The following CENPA variants were observed in gnomAD, a reference collection of about 807,000 sequenced individuals.
CENPA encodes centromere protein A.
Under a neutral mutation model 17.2 loss-of-function variants are expected in CENPA, and 7 were observed. The ratio of observed to expected loss-of-function variants is 0.41; its 90% confidence interval spans 0.23 to 0.76. The LOEUF is 0.76. CENPA is among the 30% of genes least tolerant of loss of function. CENPA has a pLI of 0.34. For missense variants in CENPA, 149 were observed against 193.1 expected (o/e 0.77, Z 1.35); for synonymous variants, 82 against 77.4 (o/e 1.06, Z -0.31).
At position 26,793,796 on chromosome 2, in the gene CENPA, G is replaced by A. The variant is rs548729691; in HGVS notation, c.*48-16G>A. 6.5e-6 allele frequency: 1 copy of A among 153,110 alleles called. No homozygotes were observed. Among genetic ancestry groups the A allele is most frequent in the East Asian group, 1.9e-4 (1 of 5,190 alleles). The allele number at this position is 153,110 out of a possible 1,614,324, so 9.5% of individuals were successfully genotyped here. A position where few individuals can be genotyped will look rare whatever the true frequency, so the allele number is the denominator to read the frequency against. On this transcript the variant is annotated splice_polypyrimidine_tract_variant and intron_variant, in intron 4 of 4. Coordinates refer to ENST00000335756, the MANE Select transcript of CENPA (RefSeq NM_001809.4). ...TTGAAAATGGCTTGTTAGTAAGTGT[G>A]CTTCCTTAATTTCAGGGATGATACC...
At chr2:26,789,272 T>C (rs902463376) in intron 1 of CENPA, among the ~76,000 whole-genome samples, 4 of 152,066 alleles carry the variant, frequency 2.6e-5, no homozygotes, top group African/African-American at 9.7e-5. Context: ...TCTTACTGTG[T>C]CTCAGAAGCA....
intron 2 of CENPA, 28 bp downstream of exon 2, chr2:26,792,268 C>T: frequency 6.5e-7 from 1 of 1,546,148 alleles, no homozygotes; most frequent in Non-Finnish European, 8.8e-7. Flanking sequence ...CCCACCAACC[C>T]CTATGCCACC....
At chr2:26,787,782 C>T (rs973379797) in intron 1 of CENPA, among the ~76,000 whole-genome samples, 2 of 152,010 alleles carry the variant, frequency 1.3e-5, no homozygotes, top group African/African-American at 2.4e-5. Context: ...TTTTTCTTTC[C>T]CAAAACACGA....
intron 3 of CENPA, 41 bp from the exon 4 acceptor site, chr2:26,793,104 G>A (rs1053130868): frequency 1.3e-5 from 21 of 1,610,774 alleles, no homozygotes; most frequent in Non-Finnish European, 1.8e-5. Context: ...GCAGCCCGTG[G>A]CCCTTCATCT....
intron 2 of CENPA, 182 bp from the exon 3 acceptor site, chr2:26,792,574 A>C (rs979908793): frequency 2.8e-6 from 2 of 721,200 alleles, no homozygotes; most frequent in Non-Finnish European, 5.1e-6. Flanking sequence ...CCAGTAAGAG[A>C]TCCGCCAGTT....
chr2:26,787,761 G>A (rs895958044), intron 1 of CENPA, among the ~76,000 whole-genome samples: 1 of 152,136 alleles, frequency 6.6e-6, no homozygotes, highest in South Asian at 2.1e-4. Flanking sequence ...TTGCTGTTGC[G>A]AATGGGATTT....
chr2:26,789,015 G>T (rs1572640771), intron 1 of CENPA, among the ~76,000 whole-genome samples: 1 of 152,102 alleles, frequency 6.6e-6, no homozygotes, highest in Admixed American at 6.6e-5. Context: ...GTGTTTCCTT[G>T]ACCCCACATT....
At chr2:26,792,890 T>G in intron 3 of CENPA, 57 bp downstream of exon 3, 1 of 1,501,958 alleles carries the variant, frequency 6.7e-7, no homozygotes, top group Non-Finnish European at 9.3e-7. Context: ...AGAGGCAGCC[T>G]AGAATTCTCC....
intron 1 of CENPA, among the ~76,000 whole-genome samples, chr2:26,788,603 T>A (rs1664557349): frequency 6.6e-6 from 1 of 152,162 alleles, no homozygotes. Context: ...TACCTGTGCT[T>A]AGATAAATCC....
Position 26,786,315 on chromosome 2 carries a change from A to G in CENPA, c.100+19A>G. ...TCCTTAGGTAACCGGCCGCGGCCCC[A>G]TCTCGAAGAGGAGAAAACCGAGGCT... is the stretch of plus-strand genomic sequence containing the variant. On this transcript the variant is annotated intron_variant, in intron 1 of 4. Coordinates refer to ENST00000335756, the MANE Select transcript of CENPA (RefSeq NM_001809.4). The G allele has an allele frequency of 7.6e-7, 1 of 1,307,920 alleles. No homozygotes were observed. Among genetic ancestry groups the G allele is most frequent in the South Asian group, 2.1e-5 (1 of 48,090 alleles). The allele number at this position is 1,307,920 out of a possible 1,614,324, so 81.0% of individuals were successfully genotyped here.
At chr2:26,787,886 T>A (rs1230632398) in intron 1 of CENPA, among the ~76,000 whole-genome samples, 1 of 152,236 alleles carries the variant, frequency 6.6e-6, no homozygotes, top group Non-Finnish European at 1.5e-5. Flanking sequence ...TAGACTATTA[T>A]GTCATCTGCA....
chr2:26,793,460 C>G (rs182327504), intron 4 of CENPA, 134 bp downstream of exon 4: 9 of 683,280 alleles, frequency 1.3e-5, no homozygotes, highest in East Asian at 1.2e-4. Flanking sequence ...CTGCCTGGGA[C>G]AATGTGGTTT....
At chr2:26,788,222 G>A (rs1452627459) in intron 1 of CENPA, among the ~76,000 whole-genome samples, 1 of 152,132 alleles carries the variant, frequency 6.6e-6, no homozygotes, top group East Asian at 1.9e-4. Context: ...TGCTATCTTG[G>A]TTCATTGCAG....
chr2:26,789,891 C>CT (rs1418581175), intron 1 of CENPA, among the ~76,000 whole-genome samples: 1 of 152,198 alleles, frequency 6.6e-6, no homozygotes, highest in Admixed American at 6.5e-5. Flanking sequence ...CTTTCTACTT[C>CT]TTTCCTTACA....
intron 1 of CENPA, among the ~76,000 whole-genome samples, chr2:26,790,625 C>CCTAT (rs1341209709): frequency 1.3e-5 from 2 of 152,186 alleles, no homozygotes; most frequent in Non-Finnish European, 2.9e-5. Flanking sequence ...CGCACCCAGC[C>CCTAT]CTATGTCTGT....
intron 1 of CENPA, among the ~76,000 whole-genome samples, chr2:26,791,069 CTG>C (rs1664606645): frequency 6.6e-6 from 1 of 151,936 alleles, no homozygotes; most frequent in African/African-American, 2.4e-5. Flanking sequence ...TATGGAGCAA[CTG>C]TGCTGTTTTT....
chr2:26,793,470 TG>T, intron 4 of CENPA, 144 bp downstream of exon 4: 5 of 577,504 alleles, frequency 8.7e-6, no homozygotes, highest in Non-Finnish European at 1.5e-5. Flanking sequence ...CAATGTGGTT[TG>T]TGCCCTTTTG....
At chr2:26,792,619 TG>T (rs905814418) in intron 2 of CENPA, 136 bp from the exon 3 acceptor site, 46 of 795,576 alleles carry the variant, frequency 5.8e-5, no homozygotes, top group Non-Finnish European at 9.2e-5. Flanking sequence ...TGCTCCTAAT[TG>T]GGTCCTAAGA....
rs181360891 is a variant in CENPA at position 26,786,471 on chromosome 2, G to T, written c.100+175G>T. Among the ~76,000 whole-genome samples the T allele has an allele frequency of 3.9e-5, 6 of 152,380 alleles. No homozygotes were observed. In the South Asian group the frequency reaches 1.2e-3, roughly 32 times the overall value. On this transcript the variant is annotated intron_variant, in intron 1 of 4. Transcript: ENST00000335756. ...AGCCCTGCGAGGGGCTGGAGCAGGCGGTTCCGAAAGCGGGAAGGGACCGGC... is the reference window on the plus strand; with the variant it reads ...AGCCCTGCGAGGGGCTGGAGCAGGCTGTTCCGAAAGCGGGAAGGGACCGGC...
Sources: allele counts gnomAD v4.1 joint callset (sites outside exome capture counted in the v4.1 genomes callset), GRCh38; gene constraint gnomAD v4.1.1; transcripts MANE v1.5; gene names NCBI Gene and HGNC (gene_info 2026-07-23, HGNC 2026-07-21).